The following EXOC6B variants were observed in gnomAD, a reference collection of about 807,000 sequenced individuals.
EXOC6B encodes SEC15 homolog B.
In EXOC6B, 54 loss-of-function variants were observed where a neutral mutation model predicts 113.5. The observed-to-expected ratio is 0.48, with a 90% CI of 0.38 to 0.60. The LOEUF is 0.60. Ranked by LOEUF, EXOC6B falls within the 20% of genes least tolerant of loss-of-function variation. The pLI, the probability that EXOC6B is intolerant of heterozygous loss-of-function variation, is 0.00. For missense variants in EXOC6B, 797 were observed against 977.5 expected (o/e 0.82, Z 2.46); for synonymous variants, 357 against 339.0 (o/e 1.05, Z -0.58).
chr2:72,745,697 T>C (rs1401023074), intron 1 of EXOC6B, among the ~76,000 whole-genome samples: 8 of 152,164 alleles, frequency 5.3e-5, no homozygotes, highest in Non-Finnish European at 1.2e-4. Context: ...TTATTTCAAA[T>C]TGTCTACCAA....
intron 18 of EXOC6B, among the ~76,000 whole-genome samples, chr2:72,404,374 C>A (rs953953520): frequency 6.6e-6 from 1 of 152,210 alleles, no homozygotes; most frequent in African/African-American, 2.4e-5. Flanking sequence ...GTTCTCCCAG[C>A]ACGCAGCTGG....
intron 20 of EXOC6B, among the ~76,000 whole-genome samples, chr2:72,289,658 A>G (rs1405663356): frequency 6.6e-6 from 1 of 152,144 alleles, no homozygotes; most frequent in Non-Finnish European, 1.5e-5. Flanking sequence ...ATGCCCAGAT[A>G]TTTTGTCAAG....
chr2:72,744,440 T>A (rs1038785536), intron 1 of EXOC6B, among the ~76,000 whole-genome samples: 1 of 152,174 alleles, frequency 6.6e-6, no homozygotes, highest in Non-Finnish European at 1.5e-5. Flanking sequence ...CTGAAAAAGC[T>A]GTTTGGAATA....
intron 6 of EXOC6B, among the ~76,000 whole-genome samples, chr2:72,631,893 A>C (rs1434795289): frequency 6.6e-6 from 1 of 152,172 alleles, no homozygotes; most frequent in Non-Finnish European, 1.5e-5. Flanking sequence ...ACATATTCAT[A>C]ACAGAATACA....
At chr2:72,550,911 TTTTTTTTA>T (rs1163976849) in intron 8 of EXOC6B, among the ~76,000 whole-genome samples, 8 of 148,954 alleles carry the variant, frequency 5.4e-5, no homozygotes, top group African/African-American at 2.0e-4. Context: ...GCCATTTATT[TTTTTTTTA>T]TTTTTTTTTT....
chr2:72,260,964 T>C (rs745931679), intron 20 of EXOC6B, among the ~76,000 whole-genome samples: 1 of 152,196 alleles, frequency 6.6e-6, no homozygotes, highest in Non-Finnish European at 1.5e-5. Context: ...ATCTGTGATA[T>C]CATGACCTCC....
intron 20 of EXOC6B, among the ~76,000 whole-genome samples, chr2:72,271,910 A>G (rs1684510977): frequency 6.6e-6 from 1 of 151,910 alleles, no homozygotes; most frequent in Non-Finnish European, 1.5e-5. Context: ...CCAAGGTCAC[A>G]TAGAGGTAAA....
intron 6 of EXOC6B, among the ~76,000 whole-genome samples, chr2:72,617,911 AT>A (rs1436350276): frequency 1.3e-5 from 2 of 152,008 alleles, no homozygotes; most frequent in Non-Finnish European, 1.5e-5. Flanking sequence ...ATGAGAGACT[AT>A]TTTTTTAGAC....
intron 19 of EXOC6B, among the ~76,000 whole-genome samples, chr2:72,351,923 C>T (rs899581516): frequency 2.0e-5 from 3 of 152,152 alleles, no homozygotes; most frequent in Non-Finnish European, 1.5e-5. Flanking sequence ...TCATTTCACC[C>T]TATTCTTTAG....
rs185511974 is a variant in EXOC6B, at chr2:72,636,724, T to A, written c.670-61056A>T. ...TCTACAAAAACTTCATAGTAAATGG[T>A]TAAAGGCTGAATATTTTCCACCTAA... On this transcript the variant is annotated intron_variant, in intron 6 of 21. Coordinates refer to ENST00000272427, the MANE Select transcript of EXOC6B (RefSeq NM_015189.3). Among the ~76,000 whole-genome samples, 19 of 152,230 alleles carry A rather than the reference T, an allele frequency of 1.2e-4. 1 individual carries two copies. Among genetic ancestry groups the A allele is most frequent in the Middle Eastern group, 3.4e-3 (1 of 294 alleles).
At chr2:72,751,390 T>C (rs1682031972) in intron 1 of EXOC6B, among the ~76,000 whole-genome samples, 1 of 152,106 alleles carries the variant, frequency 6.6e-6, no homozygotes, top group Non-Finnish European at 1.5e-5. Context: ...TAGAAAGGAA[T>C]GTCTGGGTTA....
At chr2:72,478,941 T>C (rs1341028229) in intron 17 of EXOC6B, among the ~76,000 whole-genome samples, 1 of 152,222 alleles carries the variant, frequency 6.6e-6, no homozygotes, top group Admixed American at 6.5e-5. Context: ...TTTTGATAAA[T>C]CTAATGCCCA....
chr2:72,699,477 C>CAAAAAAAAAAA (rs59106937), intron 6 of EXOC6B, among the ~76,000 whole-genome samples: 32 of 62,866 alleles, frequency 5.1e-4, no homozygotes, highest in African/African-American at 1.8e-3. Flanking sequence ...GACTCCGTCT[C>CAAAAAAAAAAA]AAAAAAAAAA....
intron 1 of EXOC6B, among the ~76,000 whole-genome samples, chr2:72,782,919 T>C (rs1360802419): frequency 6.6e-6 from 1 of 152,222 alleles, no homozygotes; most frequent in Non-Finnish European, 1.5e-5. Flanking sequence ...TATCCATTCA[T>C]CCATTGATAT....
chr2:72,636,906 T>C (rs969837529), intron 6 of EXOC6B, among the ~76,000 whole-genome samples: 3 of 151,802 alleles, frequency 2.0e-5, no homozygotes, highest in Non-Finnish European at 4.4e-5. Flanking sequence ...ATAACCTATG[T>C]AGATTATTCC....
At chr2:72,334,545 T>C (rs1405918781) in intron 20 of EXOC6B, among the ~76,000 whole-genome samples, 2 of 152,198 alleles carry the variant, frequency 1.3e-5, no homozygotes, top group African/African-American at 2.4e-5. Context: ...TCTTAAATGC[T>C]GCTGGCCACA....
chr2:72,492,490 C>T lies in EXOC6B; in HGVS notation c.1554-61G>A, dbSNP rs546685570. ...TAGCAGAATTATTTCGGCAAACAAA[C>T]GGTGCCAGTGGTATTCGTGGTAATA... On this transcript the variant is annotated intron_variant, in intron 15 of 21. Coordinates refer to ENST00000272427, the MANE Select transcript of EXOC6B (RefSeq NM_015189.3). 177 of 963,644 alleles carry T rather than the reference C, an allele frequency of 1.8e-4. 3 individuals are homozygous for T. The highest frequency in any genetic ancestry group is 1.3e-3 in the South Asian group (100 of 75,324). The allele number at this position is 963,644 out of a possible 1,614,324, so 59.7% of individuals were successfully genotyped here.
intron 7 of EXOC6B, among the ~76,000 whole-genome samples, chr2:72,569,734 A>T (rs1392877230): frequency 6.6e-6 from 1 of 152,186 alleles, no homozygotes; most frequent in Non-Finnish European, 1.5e-5. Context: ...TAACTTATCA[A>T]GGAATCATCT....
At chr2:72,330,411 G>A (rs1445632326) in intron 20 of EXOC6B, among the ~76,000 whole-genome samples, 1 of 151,974 alleles carries the variant, frequency 6.6e-6, no homozygotes, top group African/African-American at 2.4e-5. Context: ...AAGAAATGGG[G>A]ATTTAAAGAG....
Sources: gnomAD v4.1 joint callset for allele counts (sites outside exome capture counted in the v4.1 genomes callset) on GRCh38, gnomAD v4.1.1 for gene constraint, MANE v1.5 for transcripts, NCBI Gene and HGNC (gene_info 2026-07-23, HGNC 2026-07-21) for gene names.